Variants in SCARA5 observed in about 807,000 individuals in gnomAD.
SCARA5 encodes scavenger receptor class A member 5, also known as scavenger receptor class A, member 5 (putative).
SCARA5 carries 45 observed loss-of-function variants against 46.3 expected under a neutral mutation model. The ratio of observed to expected loss-of-function variants is 0.97; its 90% CI spans 0.76 to 1.24. The LOEUF (loss-of-function observed/expected upper bound fraction) is 1.24. SCARA5 is among the 50% of genes most tolerant of loss of function. The probability of loss-of-function intolerance (pLI) is 0.00; values close to 1 mark genes in which losing one functional copy is unlikely to be tolerated. For missense variants in SCARA5, 680 were observed against 689.0 expected (o/e 0.99, Z 0.15); for synonymous variants, 333 against 306.5 (o/e 1.09, Z -0.90).
intron 7 of SCARA5, chr8:27,886,128 G>C (rs1043143901): frequency 6.5e-6 from 1 of 153,126 alleles, no homozygotes; most frequent in African/African-American, 2.4e-5. Context: ...AGAGCACCTG[G>C]GCGAGGCTGC....
chr8:27,909,606 CG>C (rs2129771899), intron 5 of SCARA5, 56 bp downstream of exon 5: 1 of 1,218,046 alleles, frequency 8.2e-7, no homozygotes, highest in South Asian at 1.3e-5. Flanking sequence ...AAGAAAGTAG[CG>C]GGTAGAGATG....
At chr8:27,946,694 G>A (rs1808042616) in intron 3 of SCARA5, among the ~76,000 whole-genome samples, 1 of 152,194 alleles carries the variant, frequency 6.6e-6, no homozygotes, top group Non-Finnish European at 1.5e-5. Context: ...CAGGCACAGT[G>A]GATTATGGGT....
Position 27,871,346 on chromosome 8 carries a change from G to T in SCARA5, c.*588C>A. On this transcript the variant is annotated 3_prime_UTR_variant, in exon 9 of 9. Coordinates refer to ENST00000354914, the MANE Select transcript of SCARA5 (RefSeq NM_173833.6). ...CTTCTCCAAATCTAGCTGGATTCCT[G>T]CAGGTGACTTGCATTTCCCTCTTGC... The T allele has an allele frequency of 2.9e-6, 2 of 687,150 alleles. No individual in the cohort carries two copies. Among genetic ancestry groups the T allele is most frequent in the Non-Finnish European group, 3.6e-6 (2 of 557,578 alleles). The allele number at this position is 687,150 out of a possible 1,614,324, so 42.6% of individuals were successfully genotyped here.
chr8:27,936,868 G>A (rs1191798005), intron 3 of SCARA5, among the ~76,000 whole-genome samples: 3 of 152,094 alleles, frequency 2.0e-5, no homozygotes, highest in Non-Finnish European at 2.9e-5. Flanking sequence ...TTTGTGCCCT[G>A]GCCCTAGCAT....
chr8:27,904,530 G>C, intron 7 of SCARA5: 1 of 563,716 alleles, frequency 1.8e-6, no homozygotes. Context: ...GTGACCGGGG[G>C]AAGCCTCCAG....
chr8:27,921,935 C>A lies in SCARA5; in HGVS notation c.552G>T (p.Glu184Asp). 6.5e-7 allele frequency: 1 copy of A among 1,537,792 alleles called. No individual in the cohort carries two copies. ...TGQQSDTAQLELYQLQVESNS... is the reference protein window; with the variant it reads ...TGQQSDTAQLDLYQLQVESNS... ...TGCTCTCCACCTGCAGCTGGTAGAG[C>A]TCCAGCTGCGCCGTGTCGCTCTGCT... The change falls in exon 4 of 9, where the codon GAG (glutamate) becomes GAT (aspartate). Residue 184 changes from glutamate (E) to aspartate (D), a missense_variant. Glu to Asp is a conservative substitution (Grantham distance 45). This residue lies in a region of SCARA5 where 438 missense variants were observed against 384.5 expected (regional missense o/e 1.14). Coordinates refer to ENST00000354914, the MANE Select transcript of SCARA5 (RefSeq NM_173833.6).
intron 7 of SCARA5, among the ~76,000 whole-genome samples, chr8:27,892,517 C>T (rs1237647038): frequency 6.6e-6 from 1 of 151,662 alleles, no homozygotes; most frequent in East Asian, 1.9e-4. Flanking sequence ...GGAGATAACT[C>T]AGGAGGGTGG....
intron 3 of SCARA5, among the ~76,000 whole-genome samples, chr8:27,947,071 G>A (rs921580099): frequency 2.0e-5 from 3 of 150,826 alleles, no homozygotes; most frequent in Non-Finnish European, 4.4e-5. Context: ...GAGTGCAGTA[G>A]TGTGGCTTTG....
rs1382415627 is a variant in SCARA5, at chr8:27,871,173, G to A, written c.*761C>T. On this transcript the variant is annotated 3_prime_UTR_variant, in exon 9 of 9. Coordinates refer to ENST00000354914, the MANE Select transcript of SCARA5 (RefSeq NM_173833.6). Reference sequence around the variant, plus strand: ...TTTTGTCTTCTTACTTGCAGTCTAGGTGAATGGACCAGTTAAGTGCTACCT... The same window carrying A: ...TTTTGTCTTCTTACTTGCAGTCTAGATGAATGGACCAGTTAAGTGCTACCT... The A allele has an allele frequency of 1.3e-5, 2 of 152,388 alleles. No individual in the cohort carries two copies. Among genetic ancestry groups the A allele is most frequent in the African/African-American group, 4.8e-5 (2 of 41,466 alleles). The allele number at this position is 152,388 out of a possible 1,614,324, so 9.4% of individuals were successfully genotyped here. A position where few individuals can be genotyped will look rare whatever the true frequency, so the allele number is the denominator to read the frequency against.
At chr8:27,921,543 G>T in intron 4 of SCARA5, 28 bp downstream of exon 4, 2 of 1,522,008 alleles carry the variant, frequency 1.3e-6, no homozygotes, top group South Asian at 2.6e-5. Flanking sequence ...AGGGGCCGTG[G>T]GTGGAGGCAG....
intron 2 of SCARA5, among the ~76,000 whole-genome samples, chr8:27,976,428 T>C (rs1302485595): frequency 3.9e-5 from 6 of 152,176 alleles, no homozygotes; most frequent in Non-Finnish European, 8.8e-5. Context: ...GTTCCCCTCC[T>C]GGCCCTTTGT....
intron 3 of SCARA5, among the ~76,000 whole-genome samples, chr8:27,935,471 G>A (rs569282063): frequency 4.6e-5 from 7 of 152,288 alleles, no homozygotes; most frequent in African/African-American, 1.7e-4. Flanking sequence ...TCTGTGGAGT[G>A]AGAACATCCA....
chr8:27,873,741 G>A lies in SCARA5; in HGVS notation c.1352-1671C>T, dbSNP rs554469178. On this transcript the variant is annotated intron_variant, in intron 8 of 8. Coordinates refer to ENST00000354914, the MANE Select transcript of SCARA5 (RefSeq NM_173833.6). ...AAAAAGAAAGAAAGGCAGACTCTTG[G>A]CCAGGTGCCATGGCTCACGCCTGTA... Among the ~76,000 whole-genome samples the A allele has an allele frequency of 2.0e-5, 3 of 152,336 alleles. No individual in the cohort carries two copies. In the East Asian group the frequency reaches 5.8e-4, roughly 29 times the overall value.
chr8:27,987,429 G>A, intron 2 of SCARA5, 75 bp downstream of exon 2: 2 of 939,910 alleles, frequency 2.1e-6, no homozygotes, highest in Admixed American at 1.7e-5. Context: ...CAATGCCAAG[G>A]TTGGGTGGTG....
At chr8:27,888,438 C>T (rs184899830) in intron 7 of SCARA5, among the ~76,000 whole-genome samples, 1 of 152,356 alleles carries the variant, frequency 6.6e-6, no homozygotes, top group African/African-American at 2.4e-5. Context: ...TAAGCCCTTG[C>T]TTCCAGATTT....
At position 27,987,579 on chromosome 8, in the gene SCARA5, C is replaced by T. The variant is rs148309983; in HGVS notation, c.37G>A (p.Asp13Asn). 4.7e-5 allele frequency: 76 copies of T among 1,613,986 alleles called. No individual in the cohort carries two copies. The highest frequency in any genetic ancestry group is 6.0e-5 in the Non-Finnish European group (71 of 1,179,944). ...NKAMYLHTVS[D>N]CDTSSICEDS... is the part of the protein sequence containing the mutation. ...TCACAGATGGAGCTGGTGTCACAGT[C>T]GCTGACGGTGTGTAGGTACATAGCT... Residue 13 changes from aspartate to asparagine, a missense_variant, in exon 2 of 9, where the codon GAC (aspartate) becomes AAC (asparagine). Physicochemically the swap from Asp to Asn is conservative, Grantham distance 23. Coordinates refer to ENST00000354914, the MANE Select transcript of SCARA5 (RefSeq NM_173833.6).
At chr8:27,883,402 G>A (rs73233143) in intron 7 of SCARA5, among the ~76,000 whole-genome samples, 2,242 of 152,186 alleles carry the variant, frequency 0.015, 107 homozygotes, top group East Asian at 0.14. Flanking sequence ...CATCCTGCCC[G>A]CCCCACTACT....
At chr8:27,989,338 G>C (rs11136023) in intron 1 of SCARA5, among the ~76,000 whole-genome samples, 4 of 151,468 alleles carry the variant, frequency 2.6e-5, no homozygotes, top group Admixed American at 2.6e-4. Flanking sequence ...ATGTTGGCCA[G>C]GCTGGTCTGG....
rs1176654678 is a variant in SCARA5, at chr8:27,905,533, A to G, written c.1097-699T>C. On this transcript the variant is annotated intron_variant, in intron 6 of 8. Coordinates refer to ENST00000354914, the MANE Select transcript of SCARA5 (RefSeq NM_173833.6). ...GGATGATCCAAGATTTGGGGGGGGG[A>G]AAAAAAAAAGGCAGCCATATACATA... 7.4e-3 allele frequency among the ~76,000 whole-genome samples: 81 copies of G among 10,908 alleles called. 15 individuals carry two copies. Among genetic ancestry groups the G allele is most frequent in the African/African-American group, 0.011 (73 of 6,780 alleles). 7.2% of individuals were successfully genotyped at this position (10,908 alleles called of 152,430 possible).
Sources: gnomAD v4.1 joint callset for allele counts (sites outside exome capture counted in the v4.1 genomes callset) on GRCh38, gnomAD v4.1.1 for gene constraint, gnomAD v4.1.1 regional missense constraint, MANE v1.5 for transcripts, NCBI Gene and HGNC (gene_info 2026-07-23, HGNC 2026-07-21) for gene names.